AXL: variants seen among roughly 807,000 people sequenced by gnomAD.
AXL encodes tyrosine-protein kinase receptor UFO.
Under a neutral mutation model 104.5 loss-of-function variants are expected in AXL, and 52 were observed. That is an observed-to-expected ratio of 0.50 (90% CI 0.40 to 0.63). AXL has a LOEUF of 0.63. Among genes scored for constraint, AXL ranks in the 20% least tolerant of loss-of-function variants. The probability of loss-of-function intolerance (pLI) is 0.00; values close to 1 mark genes in which losing one functional copy is unlikely to be tolerated. For missense variants in AXL, 1,024 were observed against 1,188.5 expected (o/e 0.86, Z 2.04); for synonymous variants, 455 against 473.7 (o/e 0.96, Z 0.51).
chr19:41,240,879 C>T (rs553542307), intron 10 of AXL, among the ~76,000 whole-genome samples: 57 of 152,040 alleles, frequency 3.7e-4, no homozygotes, highest in Admixed American at 3.9e-4. Flanking sequence ...ACTCCATAGA[C>T]ATCATTCCCT....
chr19:41,240,709 G>A (rs1012620070), intron 10 of AXL, among the ~76,000 whole-genome samples: 4 of 151,638 alleles, frequency 2.6e-5, no homozygotes, highest in Non-Finnish European at 4.4e-5. Flanking sequence ...ATTATAATCC[G>A]TTCCTCCCAC....
At chr19:41,257,713 C>A (rs1228964461) in intron 19 of AXL, 84 bp downstream of exon 19, 2 of 1,536,082 alleles carry the variant, frequency 1.3e-6, no homozygotes, top group Non-Finnish European at 1.8e-6. Context: ...GTCCAGGACT[C>A]TCTATAACCC....
chr19:41,220,538 G>A (rs1002434343), intron 1 of AXL, 98 bp from the exon 2 acceptor site: 3 of 1,042,760 alleles, frequency 2.9e-6, no homozygotes, highest in African/African-American at 3.2e-5. Flanking sequence ...GGGCCTGGCG[G>A]GGTCCTGGCC....
chr19:41,247,443 C>T lies in AXL; in HGVS notation c.1538-1071C>T, dbSNP rs1032205186. On this transcript the variant is annotated intron_variant, in intron 12 of 19. Coordinates refer to ENST00000301178, the MANE Select transcript of AXL (RefSeq NM_021913.5). ...GCTTGAACCTGAGAGGCGGAGGTTG[C>T]GGTGAGCCGAGATTGCGCCATCGCA... 2.6e-5 allele frequency among the ~76,000 whole-genome samples: 4 copies of T among 151,648 alleles called. No individual in the cohort carries two copies. The South Asian group carries it at 6.2e-4, about 24-fold the overall frequency.
At position 41,259,971 on chromosome 19, in the gene AXL, C is replaced by A. The variant is rs548762687; in HGVS notation, c.*67C>A. On this transcript the variant is annotated 3_prime_UTR_variant, in exon 20 of 20. Transcript: ENST00000301178. ...AGCACTGCCACTGGGGAAAACTCCA[C>A]CTTCCCACTTTCCCACCCCACGCCT... 30 of 1,397,420 alleles carry A rather than the reference C, an allele frequency of 2.1e-5. No individual in the cohort carries two copies. In the Admixed American group the frequency reaches 5.4e-4, roughly 25 times the overall value. The allele number at this position is 1,397,420 out of a possible 1,614,324, so 86.6% of individuals were successfully genotyped here.
At chr19:41,241,628 C>T (rs925909608) in intron 10 of AXL, among the ~76,000 whole-genome samples, 2 of 150,746 alleles carry the variant, frequency 1.3e-5, no homozygotes, top group African/African-American at 4.9e-5. Flanking sequence ...GTGGCACAGA[C>T]CTGCAGTCCC....
intron 12 of AXL, chr19:41,243,995 C>T: frequency 3.2e-6 from 1 of 307,898 alleles, no homozygotes; most frequent in Non-Finnish European, 6.1e-6. Flanking sequence ...CACTTGAGCC[C>T]AGGAGTTCGA....
In AXL at chr19:41,219,540, G is replaced by A. The variant is rs2033747121; in HGVS notation, c.85+63G>A. 2.6e-6 allele frequency: 4 copies of A among 1,529,818 alleles called. No homozygotes were observed. The African/African-American group carries it at 4.1e-5, about 16-fold the overall frequency. The allele number at this position is 1,529,818 out of a possible 1,614,324, so 94.8% of individuals were successfully genotyped here. A position where few individuals can be genotyped will look rare whatever the true frequency, so the allele number is the denominator to read the frequency against. ...GGAGGGGCTGGGGCAGGGGTAGGAGGTGGGGGATGATGGCAGGTGTGGGGG... is the reference window on the plus strand; with the variant it reads ...GGAGGGGCTGGGGCAGGGGTAGGAGATGGGGGATGATGGCAGGTGTGGGGG... On this transcript the variant is annotated intron_variant, in intron 1 of 19. Coordinates refer to ENST00000301178, the MANE Select transcript of AXL (RefSeq NM_021913.5).
intron 6 of AXL, among the ~76,000 whole-genome samples, chr19:41,233,134 C>T (rs181350401): frequency 3.9e-5 from 6 of 151,904 alleles, no homozygotes; most frequent in East Asian, 3.9e-4. Context: ...GTATTACAGG[C>T]GCCCACCACC....
chr19:41,236,894 C>A lies in AXL; in HGVS notation c.784-1050C>A, dbSNP rs2034089751. On this transcript the variant is annotated intron_variant, in intron 6 of 19. Transcript: ENST00000301178. ...ATGTGGCCCAGGATGGCTTTGAATGCGGCCCAACATAAGTTCGTAAACTTT... is the reference window on the plus strand; with the variant it reads ...ATGTGGCCCAGGATGGCTTTGAATGAGGCCCAACATAAGTTCGTAAACTTT... Among the ~76,000 whole-genome samples the A allele has an allele frequency of 4.6e-5, 7 of 151,820 alleles. No individual in the cohort carries two copies. In the South Asian group the frequency reaches 1.5e-3, roughly 31 times the overall value.
chr19:41,222,232 A>C, intron 4 of AXL, among the ~76,000 whole-genome samples, 176 bp downstream of exon 4: 1 of 149,098 alleles, frequency 6.7e-6, no homozygotes, highest in Admixed American at 6.7e-5. Flanking sequence ...TACCTATCTT[A>C]TTTCTCTCCG....
At chr19:41,232,257 G>A (rs913235648) in intron 6 of AXL, among the ~76,000 whole-genome samples, 2 of 152,256 alleles carry the variant, frequency 1.3e-5, no homozygotes, top group East Asian at 3.9e-4. Context: ...GGGAATATTC[G>A]CTAGAAGGAT....
Position 41,259,757 on chromosome 19 carries a change from A to G in AXL, c.2538A>G (p.Pro846=), listed in dbSNP as rs1424211048. 1 of 1,614,004 alleles carries G rather than the reference A, an allele frequency of 6.2e-7. No homozygotes were observed. The highest frequency in any genetic ancestry group is 8.5e-7 in the Non-Finnish European group (1 of 1,180,014). Residue 846 remains proline (P), a synonymous_variant, in exon 20 of 20, where the codon CCA becomes CCG. Transcript: ENST00000301178. The stretch of plus-strand genomic sequence containing the variant: ...GAGGAGCTGACCCCCCAACCCAGCC[A>G]GACCCTAAGGATTCCTGTAGCTGCC... The part of the protein sequence containing the change: ...AAGGADPPTQ[P]DPKDSCSCLT...
intron 7 of AXL, 133 bp downstream of exon 7, chr19:41,238,287 C>T: frequency 7.0e-7 from 1 of 1,418,874 alleles, no homozygotes; most frequent in Non-Finnish European, 9.8e-7. Flanking sequence ...ATCTCTGACC[C>T]CTCAGCAGCA....
chr19:41,222,164 C>T, intron 4 of AXL, 108 bp downstream of exon 4: 1 of 1,198,002 alleles, frequency 8.3e-7, no homozygotes, highest in Non-Finnish European at 1.1e-6. Context: ...GTCCTTCTGT[C>T]CCTCACTGTC....
intron 12 of AXL, among the ~76,000 whole-genome samples, chr19:41,248,116 G>T (rs948457105): frequency 6.6e-6 from 1 of 151,742 alleles, no homozygotes; most frequent in Admixed American, 6.6e-5. Flanking sequence ...TAGAGACAGA[G>T]ATTCGCCATG....
At chr19:41,244,852 A>G (rs528837464) in intron 12 of AXL, among the ~76,000 whole-genome samples, 2 of 152,058 alleles carry the variant, frequency 1.3e-5, no homozygotes, top group East Asian at 3.9e-4. Flanking sequence ...AGAGTGGTTA[A>G]GTCACTTGCC....
chr19:41,227,479 C>A (rs1046622616), intron 4 of AXL, among the ~76,000 whole-genome samples: 6 of 145,586 alleles, frequency 4.1e-5, no homozygotes, highest in Non-Finnish European at 7.5e-5. Flanking sequence ...CTATTTTGCA[C>A]CCTGGGGCCT....
chr19:41,258,251 G>A (rs954539035), intron 19 of AXL, among the ~76,000 whole-genome samples: 2 of 152,234 alleles, frequency 1.3e-5, no homozygotes, highest in African/African-American at 4.8e-5. Flanking sequence ...TCCAAGAGCT[G>A]AGACGAGTAA....
Sources: allele counts gnomAD v4.1 joint callset (sites outside exome capture counted in the v4.1 genomes callset), GRCh38; gene constraint gnomAD v4.1.1; transcripts MANE v1.5; gene names NCBI Gene and HGNC (gene_info 2026-07-23, HGNC 2026-07-21).